Variants in OR10G7 observed in about 807,000 individuals in gnomAD.
OR10G7 encodes olfactory receptor family 10 subfamily G member 7, also known as olfactory receptor 10G7.
For synonymous variants in OR10G7, 165 were observed against 167.4 expected (o/e 0.99, Z 0.11); for missense variants, 338 against 382.1 (o/e 0.88, Z 0.96).
At position 124,036,846 on chromosome 11, in the gene OR10G7, G is replaced by A. The variant is rs1419076011; in HGVS notation, c.*1220C>T. On this transcript the variant is annotated 3_prime_UTR_variant, in exon 2 of 2. Transcript: ENST00000641585. Reference sequence around the variant, plus strand: ...TTTTTCTTCTCAATATCACCGCACAGTTTACTTGGAGCAAGATATGGAAAG... The same window carrying A: ...TTTTTCTTCTCAATATCACCGCACAATTTACTTGGAGCAAGATATGGAAAG... The A allele has an allele frequency of 2.0e-5, 3 of 152,172 alleles. No individual in the cohort carries two copies. Among genetic ancestry groups the A allele is most frequent in the African/African-American group, 7.2e-5 (3 of 41,442 alleles). 9.4% of individuals were successfully genotyped at this position (152,172 alleles called of 1,614,324 possible). A position where few individuals can be genotyped will look rare whatever the true frequency, so the allele number is the denominator to read the frequency against.
At position 124,038,151 on chromosome 11, in the gene OR10G7, G is replaced by T. The variant is rs1565596559; in HGVS notation, c.851C>A (p.Pro284His). The T allele has an allele frequency of 5.0e-6, 8 of 1,613,976 alleles. No individual in the cohort carries two copies. Among genetic ancestry groups the T allele is most frequent in the Non-Finnish European group, 6.8e-6 (8 of 1,180,038 alleles). ...FYTTLTPLFN[P>H]VVYTLRNKEV... is the part of the protein sequence containing the mutation. ...CTTGTTTCTCAGGGTGTACACAACA[G>T]GGTTGAAAAGAGGAGTCAGCGTGGT... The change falls in exon 2 of 2, where the codon CCT becomes CAT. Residue 284 changes from proline to histidine, a missense_variant. Physicochemically the swap from Pro to His is moderately conservative, Grantham distance 77. Transcript: ENST00000641585.
chr11:124,039,469 G>A (rs879553918), intron 1 of OR10G7, among the ~76,000 whole-genome samples: 1 of 151,858 alleles, frequency 6.6e-6, no homozygotes, highest in Non-Finnish European at 1.5e-5. Context: ...CACACATACA[G>A]GTTCAGTCTC....
rs1361658367 is a variant in OR10G7 at position 124,037,983 on chromosome 11, C to A, written c.*83G>T. 10 of 849,624 alleles carry A rather than the reference C, an allele frequency of 1.2e-5. No individual in the cohort carries two copies. Among genetic ancestry groups the A allele is most frequent in the Non-Finnish European group, 1.8e-5 (10 of 563,096 alleles). 52.6% of individuals were successfully genotyped at this position (849,624 alleles called of 1,614,324 possible). A position where few individuals can be genotyped will look rare whatever the true frequency, so the allele number is the denominator to read the frequency against. On this transcript the variant is annotated 3_prime_UTR_variant, in exon 2 of 2. Transcript: ENST00000641585. ...TTAAGACTGAATAATTGAAATGCTC[C>A]ATTCAAGTATAATGCTTATGTTGAA... is the stretch of plus-strand genomic sequence containing the variant.
rs183693075 is a variant in OR10G7, at chr11:124,036,109, T to A, written c.*1957A>T. ...GAATAAGATTTGTGGATTATAATAA[T>A]GTCAATATCCCAGTTGTGATATTGC... On this transcript the variant is annotated 3_prime_UTR_variant, in exon 2 of 2. Coordinates refer to ENST00000641585, the MANE Select transcript of OR10G7 (RefSeq NM_001004463.2). 3.3e-5 allele frequency: 5 copies of A among 152,298 alleles called. No homozygotes were observed. The highest frequency in any genetic ancestry group is 7.4e-5 in the Non-Finnish European group (5 of 68,026). The allele number at this position is 152,298 out of a possible 1,614,324, so 9.4% of individuals were successfully genotyped here.
rs752293460 is a variant in OR10G7, at chr11:124,038,854, C to G, written c.148G>C (p.Asp50His). 4 of 1,613,618 alleles carry G rather than the reference C, an allele frequency of 2.5e-6. No homozygotes were observed. The highest frequency in any genetic ancestry group is 2.7e-5 in the African/African-American group (2 of 74,856). Reference sequence around the variant, plus strand: ...TACATGGGGGTGTGGAGGTGAGAATCCACCCTGATCACCAGCAGGATGAGG... The same window carrying G: ...TACATGGGGGTGTGGAGGTGAGAATGCACCCTGATCACCAGCAGGATGAGG... ...NLLILLVIRVDSHLHTPMYYF... is the reference protein window; with the variant it reads ...NLLILLVIRVHSHLHTPMYYF... Residue 50 changes from aspartate to histidine, a missense_variant, in exon 2 of 2, where the codon GAT becomes CAT. Coordinates refer to ENST00000641585, the MANE Select transcript of OR10G7 (RefSeq NM_001004463.2).
At chr11:124,039,390 AAC>A (rs1864225815) in intron 1 of OR10G7, among the ~76,000 whole-genome samples, 1 of 152,018 alleles carries the variant, frequency 6.6e-6, no homozygotes, top group Admixed American at 6.6e-5. Context: ...TTTTCTCTCA[AAC>A]ACACACATAT....
rs1864204163 is a variant in OR10G7 at position 124,037,880 on chromosome 11, A to C, written c.*186T>G. 2.0e-5 allele frequency: 9 copies of C among 461,242 alleles called. No homozygotes were observed. Among genetic ancestry groups the C allele is most frequent in the Non-Finnish European group, 3.4e-5 (9 of 264,920 alleles). The allele number at this position is 461,242 out of a possible 1,614,324, so 28.6% of individuals were successfully genotyped here. Reference sequence around the variant, plus strand: ...TCCTTTCTCTTAGATTATCACCGTGAAATGGCTGCTTTAACTAGGATTCTA... The same window carrying C: ...TCCTTTCTCTTAGATTATCACCGTGCAATGGCTGCTTTAACTAGGATTCTA... On this transcript the variant is annotated 3_prime_UTR_variant, in exon 2 of 2. Transcript: ENST00000641585.
Position 124,038,420 on chromosome 11 carries a change from G to A in OR10G7, c.582C>T (p.Asn194=), listed in dbSNP as rs147011748. 5.6e-6 allele frequency: 9 copies of A among 1,613,834 alleles called. No individual in the cohort carries two copies. The highest frequency in any genetic ancestry group is 1.7e-5 in the Admixed American group (1 of 59,984). ...CAATATTCACAAAGATGACCATCTC[G>A]TTGGCTGAGGTGTCTGCACAGGCCA... The part of the protein sequence containing the change: ...LKLACADTSA[N]EMVIFVNIGL... Residue 194 remains asparagine, a synonymous_variant, in exon 2 of 2, where the codon AAC becomes AAT. Transcript: ENST00000641585.
rs141982898 is a variant in OR10G7, at chr11:124,039,975, C to T, written c.-21+911G>A. Among the ~76,000 whole-genome samples the T allele has an allele frequency of 3.7e-3, 564 of 152,212 alleles. 7 individuals are homozygous for T. Among genetic ancestry groups the T allele is most frequent in the African/African-American group, 0.013 (536 of 41,492 alleles). Reference sequence around the variant, plus strand: ...AAACTGGTCCCTCGTGCCACAAACACTGGGGACCCCTGCCCTAGATCATAC... The same window carrying T: ...AAACTGGTCCCTCGTGCCACAAACATTGGGGACCCCTGCCCTAGATCATAC... On this transcript the variant is annotated intron_variant, in intron 1 of 1. Coordinates refer to ENST00000641585, the MANE Select transcript of OR10G7 (RefSeq NM_001004463.2).
chr11:124,039,952 A>G (rs1470914840), intron 1 of OR10G7, among the ~76,000 whole-genome samples: 4 of 152,008 alleles, frequency 2.6e-5, no homozygotes, highest in Non-Finnish European at 5.9e-5. Context: ...TAAACCAGAA[A>G]CTGGTCCCTC....
In OR10G7 at chr11:124,038,716, A is replaced by G. The variant is rs551727084; in HGVS notation, c.286T>C (p.Cys96Arg). The G allele has an allele frequency of 6.2e-7, 1 of 1,614,042 alleles. No homozygotes were observed. The highest frequency in any genetic ancestry group is 2.2e-5 in the East Asian group (1 of 44,878). Residue 96 changes from cysteine (C) to arginine (R), a missense_variant, in exon 2 of 2, where the codon TGC (cysteine) becomes CGC (arginine). By Grantham distance (180) the Cys-to-Arg change is radical. Coordinates refer to ENST00000641585, the MANE Select transcript of OR10G7 (RefSeq NM_001004463.2). ...PSGRTISFHS[C>R]VAQLYFFHFL... The stretch of plus-strand genomic sequence containing the variant: ...TGGAAAAAATAGAGCTGAGCCACGC[A>G]GCTGTGGAAGGAGATAGTCCTGCCG...
rs1236227445 is a variant in OR10G7, at chr11:124,037,245, T to C, written c.*821A>G. The C allele has an allele frequency of 6.6e-6, 1 of 152,210 alleles. No individual in the cohort carries two copies. The highest frequency in any genetic ancestry group is 2.4e-5 in the African/African-American group (1 of 41,460). The allele number at this position is 152,210 out of a possible 1,614,324, so 9.4% of individuals were successfully genotyped here. ...ATATTATCTAGTACTTTATTCTAAA[T>C]TAAGGGATACTCTTAACAGTTTTTG... On this transcript the variant is annotated 3_prime_UTR_variant, in exon 2 of 2. Transcript: ENST00000641585.
chr11:124,038,778 G>A lies in OR10G7; in HGVS notation c.224C>T (p.Thr75Met), dbSNP rs149080404. The change falls in exon 2 of 2, where the codon ACG becomes ATG. Residue 75 changes from threonine to methionine, a missense_variant. Physicochemically the swap from Thr to Met is moderately conservative, Grantham distance 81. Coordinates refer to ENST00000641585, the MANE Select transcript of OR10G7 (RefSeq NM_001004463.2). ...SFIDMWFSTVTVPKMLMTLVS... is the reference protein window; with the variant it reads ...SFIDMWFSTVMVPKMLMTLVS... ...CAAGGTCATCAGCATTTTGGGCACC[G>A]TGACAGTGGAGAACCACATGTCAAT... The A allele has an allele frequency of 3.1e-6, 5 of 1,613,916 alleles. No homozygotes were observed. The highest frequency in any genetic ancestry group is 2.2e-5 in the East Asian group (1 of 44,890).
chr11:124,038,091 C>A lies in OR10G7; in HGVS notation c.911G>T (p.Gly304Val). 1 of 1,612,276 alleles carries A rather than the reference C, an allele frequency of 6.2e-7. No individual in the cohort carries two copies. The highest frequency in any genetic ancestry group is 1.1e-5 in the South Asian group (1 of 90,988). The change falls in exon 2 of 2, where the codon GGG becomes GTG. Residue 304 changes from glycine (G) to valine (V), a missense_variant. Physicochemically the swap from Gly to Val is moderately radical, Grantham distance 109 (BLOSUM62 -3). Transcript: ENST00000641585. ...VKKALLKLKN[G>V]SVFAQGE ...CTATTCACCCTGAGCAAATACTGACCCATTTTTCAGCTTCAACAGAGCTTT... is the reference window on the plus strand; with the variant it reads ...CTATTCACCCTGAGCAAATACTGACACATTTTTCAGCTTCAACAGAGCTTT...
chr11:124,040,554 C>T (rs1864233928), intron 1 of OR10G7, among the ~76,000 whole-genome samples: 1 of 151,866 alleles, frequency 6.6e-6, no homozygotes, highest in African/African-American at 2.4e-5. Flanking sequence ...CATAAATCAG[C>T]AATACATTTT....
rs747708955 is a variant in OR10G7 at position 124,038,412 on chromosome 11, A to C, written c.590T>G (p.Val197Gly). 3 of 1,614,010 alleles carry C rather than the reference A, an allele frequency of 1.9e-6. No individual in the cohort carries two copies. Among genetic ancestry groups the C allele is most frequent in the South Asian group, 1.1e-5 (1 of 91,082 alleles). ...ACADTSANEM[V>G]IFVNIGLVAS... Reference sequence around the variant, plus strand: ...CACTAGCCCAATATTCACAAAGATGACCATCTCGTTGGCTGAGGTGTCTGC... The same window carrying C: ...CACTAGCCCAATATTCACAAAGATGCCCATCTCGTTGGCTGAGGTGTCTGC... Residue 197 changes from valine to glycine, a missense_variant, in exon 2 of 2, where the codon GTC becomes GGC. Physicochemically the swap from Val to Gly is moderately radical, Grantham distance 109. Coordinates refer to ENST00000641585, the MANE Select transcript of OR10G7 (RefSeq NM_001004463.2).
In OR10G7 at chr11:124,038,443, C is replaced by T. The variant is rs1397130790; in HGVS notation, c.559G>A (p.Ala187Thr). ...FCDAPPILKL[A>T]CADTSANEMV... Reference sequence around the variant, plus strand: ...TCGTTGGCTGAGGTGTCTGCACAGGCCAGTTTCAGGATGGGCGGTGCGTCA... The same window carrying T: ...TCGTTGGCTGAGGTGTCTGCACAGGTCAGTTTCAGGATGGGCGGTGCGTCA... Residue 187 changes from alanine to threonine, a missense_variant, in exon 2 of 2, where the codon GCC becomes ACC. Ala to Thr is a moderately conservative substitution (Grantham distance 58). Coordinates refer to ENST00000641585, the MANE Select transcript of OR10G7 (RefSeq NM_001004463.2). 15 of 1,613,868 alleles carry T rather than the reference C, an allele frequency of 9.3e-6. No individual in the cohort carries two copies. Among genetic ancestry groups the T allele is most frequent in the Non-Finnish European group, 1.3e-5 (15 of 1,179,874 alleles).
chr11:124,039,111 T>C (rs1177557611), intron 1 of OR10G7, 90 bp from the exon 2 acceptor site: 2 of 1,245,354 alleles, frequency 1.6e-6, no homozygotes, highest in Non-Finnish European at 2.2e-6. Flanking sequence ...TTAAGAACAA[T>C]AGGGTTAAAT....
chr11:124,038,063 T>C lies in OR10G7; in HGVS notation c.*3A>G. On this transcript the variant is annotated 3_prime_UTR_variant, in exon 2 of 2. Transcript: ENST00000641585. ...AAAGTTAGCCATATATGGCCTTTCT[T>C]AACTATTCACCCTGAGCAAATACTG... The C allele has an allele frequency of 6.4e-7, 1 of 1,573,128 alleles. No individual in the cohort carries two copies. Among genetic ancestry groups the C allele is most frequent in the Non-Finnish European group, 8.6e-7 (1 of 1,161,316 alleles).
Sources: gnomAD v4.1 joint callset for allele counts (sites outside exome capture counted in the v4.1 genomes callset) on GRCh38, gnomAD v4.1.1 for gene constraint, MANE v1.5 for transcripts, NCBI Gene and HGNC (gene_info 2026-07-23, HGNC 2026-07-21) for gene names.